AOPEP: variants seen among roughly 807,000 people sequenced by gnomAD.
AOPEP encodes the protein aminopeptidase O.
In AOPEP, 77 loss-of-function variants were observed where a neutral mutation model predicts 98.1. The observed-to-expected ratio is 0.78, with a 90% CI of 0.65 to 0.95. AOPEP has a LOEUF of 0.95. Ranked by LOEUF, AOPEP falls within the 40% of genes least tolerant of loss-of-function variation. The pLI is 0.00. For missense variants in AOPEP, 1,024 were observed against 1,024.7 expected (o/e 1.00, Z 0.01); for synonymous variants, 346 against 365.3 (o/e 0.95, Z 0.60).
At chr9:94,971,953 C>G (rs1380341433) in intron 10 of AOPEP, among the ~76,000 whole-genome samples, 2 of 152,160 alleles carry the variant, frequency 1.3e-5, no homozygotes, top group African/African-American at 2.4e-5. Context: ...TTAAGGAAGG[C>G]AGTGCCGTCA....
At chr9:94,793,241 G>T (rs767107330) in intron 4 of AOPEP, among the ~76,000 whole-genome samples, 1 of 152,020 alleles carries the variant, frequency 6.6e-6, no homozygotes, top group African/African-American at 2.4e-5. Flanking sequence ...CCAGCGACTC[G>T]GGAGGCTGAG....
rs922143209 is a variant in AOPEP, at chr9:95,068,595, A to G, written c.2232+7785A>G. ...TCTCAAATACAGTTTGCAAAAATAT[A>G]CTCTTATATGATGGTATCCCTTGAG... is the stretch of plus-strand genomic sequence containing the variant. On this transcript the variant is annotated intron_variant, in intron 14 of 16. Transcript: ENST00000375315. 2.6e-5 allele frequency among the ~76,000 whole-genome samples: 4 copies of G among 152,136 alleles called. No individual in the cohort carries two copies. In the South Asian group the frequency reaches 8.3e-4, roughly 32 times the overall value.
intron 13 of AOPEP, among the ~76,000 whole-genome samples, chr9:95,033,945 G>T (rs2064548488): frequency 6.6e-6 from 1 of 152,164 alleles, no homozygotes; most frequent in Non-Finnish European, 1.5e-5. Flanking sequence ...TATATTATTT[G>T]ATTAACCCAG....
intron 5 of AOPEP, among the ~76,000 whole-genome samples, chr9:94,865,180 T>C (rs2045572950): frequency 6.6e-6 from 1 of 152,198 alleles, no homozygotes. Context: ...TGGTTCTGGA[T>C]TTTACATGTA....
the AOPEP span, chr9:95,150,060 C>A: frequency 1.2e-6 from 2 of 1,614,080 alleles, no homozygotes; most frequent in Admixed American, 3.3e-5. Context: ...AAACTCGTGA[C>A]AGGGACGCCA....
intron 5 of AOPEP, among the ~76,000 whole-genome samples, chr9:94,802,364 A>G (rs1011175911): frequency 6.6e-6 from 1 of 152,206 alleles, no homozygotes; most frequent in African/African-American, 2.4e-5. Context: ...AGCAGTTCCA[A>G]GTTCTGGCCT....
chr9:94,748,773 G>A (rs1273600529), intron 1 of AOPEP, among the ~76,000 whole-genome samples: 2 of 152,118 alleles, frequency 1.3e-5, no homozygotes, highest in Non-Finnish European at 2.9e-5. Context: ...ATGTCCCTCA[G>A]TATGGGTTTG....
the AOPEP span, among the ~76,000 whole-genome samples, chr9:95,135,861 G>A: frequency 2.0e-5 from 3 of 152,170 alleles, no homozygotes; most frequent in Non-Finnish European, 4.4e-5. Context: ...GTTCAAACAC[G>A]CGTAATCATG....
chr9:95,083,538 GAGTACACGCGGCACACACACCACACAC>G (rs1280027692), intron 16 of AOPEP, among the ~76,000 whole-genome samples: 2 of 140,856 alleles, frequency 1.4e-5, no homozygotes, highest in South Asian at 4.6e-4. Context: ...ACACCACGCA[GAGTACACGCGGCACACACACCACACAC>G]AGCGCATGCA....
At chr9:95,126,503 A>G in the AOPEP span, 1 of 1,606,350 alleles carries the variant, frequency 6.2e-7, no homozygotes, top group Non-Finnish European at 8.5e-7. Context: ...TACATCAATT[A>G]CTAGAAGAAA....
chr9:95,063,349 G>A (rs2067502042), intron 14 of AOPEP, among the ~76,000 whole-genome samples: 1 of 152,154 alleles, frequency 6.6e-6, no homozygotes, highest in African/African-American at 2.4e-5. Flanking sequence ...AGGATCCCTG[G>A]ACCTTGCCTT....
intron 13 of AOPEP, among the ~76,000 whole-genome samples, chr9:95,051,407 G>C (rs1166162415): frequency 6.6e-6 from 1 of 150,488 alleles, no homozygotes; most frequent in Non-Finnish European, 1.5e-5. Flanking sequence ...TTTTTTAACT[G>C]TGAGTTTTGA....
chr9:95,138,744 G>C, the AOPEP span, among the ~76,000 whole-genome samples: 3 of 152,154 alleles, frequency 2.0e-5, no homozygotes, highest in Non-Finnish European at 4.4e-5. Context: ...CAGCACTCAG[G>C]CCAGGCCGCC....
intron 8 of AOPEP, among the ~76,000 whole-genome samples, chr9:94,955,684 C>A (rs2058399685): frequency 6.6e-6 from 1 of 151,946 alleles, no homozygotes; most frequent in South Asian, 2.1e-4. Flanking sequence ...TCATGTGAAC[C>A]AAGTCCAAAC....
the AOPEP span, among the ~76,000 whole-genome samples, chr9:95,140,012 T>C: frequency 6.6e-6 from 1 of 151,886 alleles, no homozygotes; most frequent in African/African-American, 2.4e-5. Context: ...GTTCCATCCA[T>C]CCTGCCTGGA....
intron 11 of AOPEP, among the ~76,000 whole-genome samples, chr9:95,003,017 T>TA (rs2061663704): frequency 6.6e-6 from 1 of 152,152 alleles, no homozygotes; most frequent in Admixed American, 6.5e-5. Flanking sequence ...CGGAAACCGT[T>TA]AGGTTATCCA....
intron 5 of AOPEP, among the ~76,000 whole-genome samples, chr9:94,887,920 A>G (rs1446977069): frequency 1.3e-5 from 2 of 152,216 alleles, no homozygotes; most frequent in African/African-American, 4.8e-5. Flanking sequence ...TTCCTTCATT[A>G]GGCAGTGAGC....
chr9:94,902,067 CCA>C (rs2050487741), intron 5 of AOPEP, among the ~76,000 whole-genome samples: 1 of 152,094 alleles, frequency 6.6e-6, no homozygotes, highest in African/African-American at 2.4e-5. Flanking sequence ...TAGACCAGGA[CCA>C]CTGGTCCTGG....
chr9:94,965,706 G>C (rs978890552), intron 9 of AOPEP, among the ~76,000 whole-genome samples: 1 of 152,234 alleles, frequency 6.6e-6, no homozygotes, highest in Non-Finnish European at 1.5e-5. Flanking sequence ...GGTGTCATCA[G>C]AGTCCTGTGT....
Sources: gnomAD v4.1 joint callset for allele counts (sites outside exome capture counted in the v4.1 genomes callset) on GRCh38, gnomAD v4.1.1 for gene constraint, MANE v1.5 for transcripts, NCBI Gene and HGNC (gene_info 2026-07-23, HGNC 2026-07-21) for gene names.